Variants in THADA observed in about 807,000 individuals in gnomAD.
THADA encodes tRNA (32-2'-O)-methyltransferase regulator THADA.
In THADA, 213 loss-of-function variants were observed where a neutral mutation model predicts 219.8. That is an observed-to-expected ratio of 0.97 (90% CI 0.87 to 1.09). The LOEUF is 1.09. THADA is among the 50% of genes least tolerant of loss of function. The pLI is 0.00. For missense variants in THADA, 2,956 were observed against 2,311.3 expected, an observed-to-expected ratio of 1.28 and a Z score of -5.72; for synonymous variants, 1,018 against 828.9, an observed-to-expected ratio of 1.23 and a Z score of -3.92.
At chr2:43,261,216 C>CTTT (rs1181680289) in intron 36 of THADA, among the ~76,000 whole-genome samples, 1,264 of 77,134 alleles carry the variant, frequency 0.016, 143 homozygotes, top group African/African-American at 0.053. Context: ...TTGTGCATTT[C>CTTT]TTTTTTTTTT....
chr2:43,404,157 A>C (rs1233191139), intron 28 of THADA, among the ~76,000 whole-genome samples: 1 of 152,084 alleles, frequency 6.6e-6, no homozygotes, highest in Non-Finnish European at 1.5e-5. Context: ...TGTAATGAAG[A>C]GGGGAACTCC....
At position 43,393,478 on chromosome 2, in the gene THADA, T is replaced by TG. The variant is rs527649116; in HGVS notation, c.4227+4492dup. Among the ~76,000 whole-genome samples the TG allele has an allele frequency of 2.7e-3, 408 of 152,146 alleles. 2 individuals are homozygous for TG. Among genetic ancestry groups the TG allele is most frequent in the African/African-American group, 9.6e-3 (399 of 41,520 alleles). ...TCCCAACACTTTGGGAGGCCGAGGT[T>TG]GGGGGGATCACTTGAAGTCAGGAGT... On this transcript the variant is annotated intron_variant, in intron 29 of 37. Transcript: ENST00000405975.
intron 31 of THADA, among the ~76,000 whole-genome samples, chr2:43,293,763 C>G (rs1045061905): frequency 1.8e-4 from 27 of 152,204 alleles, no homozygotes; most frequent in African/African-American, 4.8e-4. Flanking sequence ...GATTACAATT[C>G]TTGTGTCCCC....
At chr2:43,374,294 G>A (rs527313363) in intron 29 of THADA, among the ~76,000 whole-genome samples, 34 of 152,230 alleles carry the variant, frequency 2.2e-4, no homozygotes, top group African/African-American at 7.9e-4. Context: ...TAGGTGACAC[G>A]GTACAGTATG....
intron 29 of THADA, among the ~76,000 whole-genome samples, chr2:43,374,567 T>A (rs182772103): frequency 6.6e-6 from 1 of 152,206 alleles, no homozygotes; most frequent in African/African-American, 2.4e-5. Context: ...ATATAACCAA[T>A]AAAAGTACCC....
In THADA at chr2:43,544,462, G is replaced by A. The variant is rs539345420; in HGVS notation, c.3107-3146C>T. 9.2e-5 allele frequency among the ~76,000 whole-genome samples: 14 copies of A among 152,234 alleles called. No homozygotes were observed. The East Asian group carries it at 2.3e-3, about 25-fold the overall frequency. Reference sequence around the variant, plus strand: ...TGGCATTGAATCTATAAATTACCTTGGGCAGTATGGCCACTTTCATGATAT... The same window carrying A: ...TGGCATTGAATCTATAAATTACCTTAGGCAGTATGGCCACTTTCATGATAT... On this transcript the variant is annotated intron_variant, in intron 20 of 37. Transcript: ENST00000405975.
chr2:43,554,418 G>A (rs956145689), intron 17 of THADA, among the ~76,000 whole-genome samples: 2 of 152,018 alleles, frequency 1.3e-5, no homozygotes, highest in East Asian at 3.9e-4. Flanking sequence ...GGTAAAAACA[G>A]TAAATTATTA....
At chr2:43,583,541 C>T (rs754953285) in intron 7 of THADA, among the ~76,000 whole-genome samples, 20 of 152,184 alleles carry the variant, frequency 1.3e-4, no homozygotes, top group Non-Finnish European at 2.8e-4. Flanking sequence ...ATAGAATTAT[C>T]TTATGATTCC....
Position 43,408,618 on chromosome 2 carries a change from A to T in THADA, c.4059-10479T>A, listed in dbSNP as rs150916089. Among the ~76,000 whole-genome samples, 135 of 152,298 alleles carry T rather than the reference A, an allele frequency of 8.9e-4. 1 individual carries two copies. Among genetic ancestry groups the T allele is most frequent in the African/African-American group, 3.0e-3 (123 of 41,564 alleles). On this transcript the variant is annotated intron_variant, in intron 28 of 37. Transcript: ENST00000405975. The stretch of plus-strand genomic sequence containing the variant: ...CAAGGCTACTTTTAAGACATCCTCA[A>T]ATTAAAATATGAGTATCTAACAATG...
intron 36 of THADA, among the ~76,000 whole-genome samples, chr2:43,272,844 T>G (rs940478613): frequency 6.6e-6 from 1 of 151,940 alleles, no homozygotes; most frequent in African/African-American, 2.4e-5. Context: ...CAGGCTGGGT[T>G]TGAACTCCTG....
intron 35 of THADA, among the ~76,000 whole-genome samples, chr2:43,284,773 A>G (rs1237113890): frequency 6.6e-6 from 1 of 152,098 alleles, no homozygotes; most frequent in African/African-American, 2.4e-5. Flanking sequence ...GGCACTCAAC[A>G]CCACCCTGTG....
chr2:43,546,799 A>C (rs1186003754), intron 20 of THADA, among the ~76,000 whole-genome samples: 1 of 152,170 alleles, frequency 6.6e-6, no homozygotes, highest in Non-Finnish European at 1.5e-5. Flanking sequence ...AATACAGCAC[A>C]CTGATGGGTC....
chr2:43,497,467 A>G, intron 25 of THADA, among the ~76,000 whole-genome samples: 1 of 152,216 alleles, frequency 6.6e-6, no homozygotes, highest in South Asian at 2.1e-4. Context: ...GTCCTCACTC[A>G]TAATTGGGAG....
intron 22 of THADA, 65 bp from the exon 23 acceptor site, chr2:43,508,845 T>C: frequency 6.6e-7 from 1 of 1,511,428 alleles, no homozygotes; most frequent in Non-Finnish European, 9.1e-7. Flanking sequence ...AAACTATTGA[T>C]GCACATTTAC....
At chr2:43,415,907 A>G (rs1184597696) in intron 28 of THADA, among the ~76,000 whole-genome samples, 1 of 152,154 alleles carries the variant, frequency 6.6e-6, no homozygotes, top group African/African-American at 2.4e-5. Context: ...GCTTTTCTTA[A>G]GTCCAGTTTT....
At chr2:43,587,127 C>T (rs1162600866) in intron 4 of THADA, 125 bp from the exon 5 acceptor site, 2 of 948,730 alleles carry the variant, frequency 2.1e-6, no homozygotes, top group Non-Finnish European at 3.1e-6. Context: ...CAGAAAACTA[C>T]AACTACACAC....
intron 3 of THADA, 132 bp from the exon 4 acceptor site, chr2:43,591,086 T>A: frequency 1.3e-6 from 1 of 780,598 alleles, no homozygotes; most frequent in Non-Finnish European, 2.0e-6. Context: ...TTTGGGAGGC[T>A]GAGGTGGGCA....
At chr2:43,493,985 A>G (rs1435624471) in intron 25 of THADA, among the ~76,000 whole-genome samples, 1 of 152,086 alleles carries the variant, frequency 6.6e-6, no homozygotes, top group African/African-American at 2.4e-5. Flanking sequence ...GCTTTTCAAC[A>G]CAGTAGAAGT....
At chr2:43,561,129 G>C (rs1380039009) in intron 15 of THADA, among the ~76,000 whole-genome samples, 1 of 150,900 alleles carries the variant, frequency 6.6e-6, no homozygotes, top group Non-Finnish European at 1.5e-5. Flanking sequence ...CAAAGATAAA[G>C]AAGGAATCTT....
Sources: gnomAD v4.1 joint callset for allele counts (sites outside exome capture counted in the v4.1 genomes callset) on GRCh38, gnomAD v4.1.1 for gene constraint, MANE v1.5 for transcripts, NCBI Gene and HGNC (gene_info 2026-07-23, HGNC 2026-07-21) for gene names.